ZSWIM6: variants seen among roughly 807,000 people sequenced by gnomAD.
The protein encoded by ZSWIM6 is zinc finger SWIM domain-containing protein 6.
ZSWIM6 carries 9 observed loss-of-function variants against 113.2 expected under a neutral mutation model. That is an observed-to-expected ratio of 0.08 (90% CI 0.05 to 0.14). ZSWIM6 has a LOEUF of 0.14. ZSWIM6 is among the 10% of genes least tolerant of loss of function. The pLI is 1.00. For synonymous variants in ZSWIM6, 611 were observed against 606.5 expected, an observed-to-expected ratio of 1.01 and a Z score of -0.11; for missense variants, 1,162 against 1,552.2, an observed-to-expected ratio of 0.75 and a Z score of 4.22.
chr5:61,335,917 C>T (rs1304487892), intron 1 of ZSWIM6, among the ~76,000 whole-genome samples: 2 of 152,148 alleles, frequency 1.3e-5, no homozygotes, highest in Non-Finnish European at 2.9e-5. Flanking sequence ...GCTTGCTCAT[C>T]AGTTGATTAT....
At chr5:61,510,762 T>A (rs915854062) in intron 4 of ZSWIM6, among the ~76,000 whole-genome samples, 2 of 152,170 alleles carry the variant, frequency 1.3e-5, no homozygotes, top group Non-Finnish European at 2.9e-5. Context: ...TGAACTTGCT[T>A]TTATTGTAAT....
intron 4 of ZSWIM6, among the ~76,000 whole-genome samples, chr5:61,512,407 A>T (rs532667863): frequency 3.7e-4 from 56 of 152,238 alleles, no homozygotes; most frequent in African/African-American, 1.3e-3. Context: ...CACATTTACA[A>T]ATTAAGCAGC....
At chr5:61,402,526 T>G (rs1023749382) in intron 1 of ZSWIM6, among the ~76,000 whole-genome samples, 11 of 150,876 alleles carry the variant, frequency 7.3e-5, no homozygotes, top group African/African-American at 2.7e-4. Flanking sequence ...TAGTTTGTTT[T>G]TTTTTTCCCC....
intron 1 of ZSWIM6, among the ~76,000 whole-genome samples, chr5:61,440,354 T>C (rs1746799232): frequency 1.7e-5 from 2 of 116,370 alleles, no homozygotes; most frequent in South Asian, 6.3e-4. Flanking sequence ...GTGCTATTCA[T>C]TGGTGTAAAA....
At chr5:61,367,281 G>A (rs1184717812) in intron 1 of ZSWIM6, among the ~76,000 whole-genome samples, 2 of 152,058 alleles carry the variant, frequency 1.3e-5, no homozygotes, top group African/African-American at 4.8e-5. Context: ...AATTGGGACA[G>A]GGTTTCATTC....
At chr5:61,462,977 G>A (rs1747349727) in intron 1 of ZSWIM6, among the ~76,000 whole-genome samples, 1 of 152,008 alleles carries the variant, frequency 6.6e-6, no homozygotes, top group Non-Finnish European at 1.5e-5. Flanking sequence ...CTTTGCCTCA[G>A]GTGAAAAATG....
In ZSWIM6 at chr5:61,525,901, C is replaced by G; in HGVS notation, c.1615C>G (p.Leu539Val). 6.4e-7 allele frequency: 1 copy of G among 1,552,156 alleles called. No homozygotes were observed. The highest frequency in any genetic ancestry group is 8.7e-7 in the Non-Finnish European group (1 of 1,147,072). ...CTTGCAGCACATTATCAGCAGTGAC[C>G]TATACACCAACTACTGTTACCATGA... ...SHLQHIISSD[L>V]YTNYCYHDDT... The change falls in exon 6 of 14, where the codon CTA becomes GTA. Residue 539 changes from leucine to valine, a missense_variant. This residue lies in a region of ZSWIM6 where 620 missense variants were observed against 804.6 expected (regional missense o/e 0.77). Coordinates refer to ENST00000252744, the MANE Select transcript of ZSWIM6 (RefSeq NM_020928.2).
At chr5:61,486,592 C>A (rs1271107412) in intron 2 of ZSWIM6, among the ~76,000 whole-genome samples, 1 of 152,122 alleles carries the variant, frequency 6.6e-6, no homozygotes, top group Non-Finnish European at 1.5e-5. Context: ...TCTCTACATC[C>A]TCACCAACAT....
chr5:61,356,721 C>T (rs1207918888), intron 1 of ZSWIM6, among the ~76,000 whole-genome samples: 2 of 90,490 alleles, frequency 2.2e-5, no homozygotes, highest in Non-Finnish European at 4.3e-5. Context: ...ATATATATAA[C>T]ATAATATATA....
At chr5:61,394,219 G>A (rs1745791839) in intron 1 of ZSWIM6, among the ~76,000 whole-genome samples, 1 of 152,224 alleles carries the variant, frequency 6.6e-6, no homozygotes, top group Non-Finnish European at 1.5e-5. Flanking sequence ...AGTACTCCCA[G>A]GAAGTGCTAG....
chr5:61,501,047 GAGGATTGGT>G (rs1331182159), intron 4 of ZSWIM6, among the ~76,000 whole-genome samples: 1 of 152,154 alleles, frequency 6.6e-6, no homozygotes, highest in African/African-American at 2.4e-5. Context: ...TGTAAATACA[GAGGATTGGT>G]CAATTGTATT....
rs574031250 is a variant in ZSWIM6 at position 61,333,037 on chromosome 5, CT to C, written c.676+90del. 3,682 of 1,060,092 alleles carry C rather than the reference CT, an allele frequency of 3.5e-3. 23 individuals carry two copies. Among genetic ancestry groups the C allele is most frequent in the South Asian group, 0.017 (469 of 27,450 alleles). 65.7% of individuals were successfully genotyped at this position (1,060,092 alleles called of 1,614,324 possible). On this transcript the variant is annotated intron_variant, in intron 1 of 13. Coordinates refer to ENST00000252744, the MANE Select transcript of ZSWIM6 (RefSeq NM_020928.2). Reference sequence around the variant, plus strand: ...CCCGCCTTTCTCCTGCGGACAGCCCCTAGTTCCGCGCGCGCCCGCACCCCTG... The same window carrying C: ...CCCGCCTTTCTCCTGCGGACAGCCCCAGTTCCGCGCGCGCCCGCACCCCTG...
In ZSWIM6 at chr5:61,332,394, C is replaced by T. The variant is rs1189008336; in HGVS notation, c.122C>T (p.Ala41Val). Residue 41 changes from alanine (A) to valine (V), a missense_variant, in exon 1 of 14, where the codon GCC becomes GTC. Around this residue, in one of 4 missense-constraint regions of ZSWIM6, gnomAD observed 333 missense variants for 293.4 expected, o/e 1.13. Coordinates refer to ENST00000252744, the MANE Select transcript of ZSWIM6 (RefSeq NM_020928.2). ...GGGAGGGYSS[A>V]CRPGPRAGGA... ...GGCGCGGGTGGCGGCTACAGCTCTG[C>T]CTGTCGGCCAGGCCCGCGGGCGGGT... is the stretch of plus-strand genomic sequence containing the variant. 4.2e-5 allele frequency: 42 copies of T among 989,592 alleles called. No individual in the cohort carries two copies. Among genetic ancestry groups the T allele is most frequent in the Non-Finnish European group, 4.7e-5 (39 of 833,858 alleles). The allele number at this position is 989,592 out of a possible 1,614,324, so 61.3% of individuals were successfully genotyped here.
rs546887954 is a variant in ZSWIM6, at chr5:61,532,784, C to A, written c.2245+1059C>A. 3.3e-5 allele frequency among the ~76,000 whole-genome samples: 5 copies of A among 152,014 alleles called. No homozygotes were observed. In the East Asian group the frequency reaches 9.6e-4, roughly 29 times the overall value. On this transcript the variant is annotated intron_variant, in intron 9 of 13. Transcript: ENST00000252744. ...AGCACTCTCCTGAACCTGTTTTTTT[C>A]CCTGTAAAGATAAAAAGCCCATCTT...
chr5:61,515,452 C>G (rs1277501335), intron 4 of ZSWIM6, among the ~76,000 whole-genome samples: 1 of 152,110 alleles, frequency 6.6e-6, no homozygotes, highest in Non-Finnish European at 1.5e-5. Flanking sequence ...TTCCATGACA[C>G]AGGACAGAAG....
intron 1 of ZSWIM6, among the ~76,000 whole-genome samples, chr5:61,333,415 C>T (rs1364825683): frequency 6.6e-6 from 1 of 151,870 alleles, no homozygotes. Flanking sequence ...CCCCCCCTCT[C>T]CCACTGCCTG....
At chr5:61,391,127 A>G in intron 1 of ZSWIM6, 1 of 763,350 alleles carries the variant, frequency 1.3e-6, no homozygotes, top group Non-Finnish European at 2.4e-6. Flanking sequence ...GCCACTTTGC[A>G]CAGGCCTCGA....
intron 1 of ZSWIM6, among the ~76,000 whole-genome samples, chr5:61,439,941 A>G (rs931394641): frequency 3.9e-5 from 6 of 152,208 alleles, no homozygotes; most frequent in Admixed American, 3.3e-4. Context: ...ATGTAGTTCA[A>G]GTGCCCTTTC....
At chr5:61,358,302 T>A (rs963121354) in intron 1 of ZSWIM6, among the ~76,000 whole-genome samples, 1 of 152,210 alleles carries the variant, frequency 6.6e-6, no homozygotes, top group Admixed American at 6.5e-5. Context: ...TCCCCCAAAA[T>A]CTGCAAAAAA....
Sources: gnomAD v4.1 joint callset for allele counts (sites outside exome capture counted in the v4.1 genomes callset) on GRCh38, gnomAD v4.1.1 for gene constraint, gnomAD v4.1.1 regional missense constraint, MANE v1.5 for transcripts, NCBI Gene and HGNC (gene_info 2026-07-23, HGNC 2026-07-21) for gene names.